DEPDC5: variants seen among roughly 807,000 people sequenced by gnomAD.
The protein encoded by DEPDC5 is GATOR1 complex protein DEPDC5.
Under a neutral mutation model 217.3 loss-of-function variants are expected in DEPDC5, and 73 were observed. That is an observed-to-expected ratio of 0.34 (90% CI 0.28 to 0.41). The LOEUF is 0.41. Ranked by LOEUF, DEPDC5 falls within the 10% of genes least tolerant of loss-of-function variation. The pLI, the probability that DEPDC5 is intolerant of heterozygous loss-of-function variation, is 1.00. For synonymous variants in DEPDC5, 733 were observed against 756.7 expected, an observed-to-expected ratio of 0.97 and a Z score of 0.51; for missense variants, 1,675 against 2,070.1, an observed-to-expected ratio of 0.81 and a Z score of 3.70.
chr22:31,779,481 T>C (rs2084205515), intron 8 of DEPDC5, among the ~76,000 whole-genome samples: 2 of 151,910 alleles, frequency 1.3e-5, no homozygotes, highest in Non-Finnish European at 2.9e-5. Flanking sequence ...TGCAGACAGG[T>C]AGGGAGAATG....
intron 31 of DEPDC5, chr22:31,852,820 A>T (rs1030539093): frequency 6.6e-6 from 1 of 152,214 alleles, no homozygotes; most frequent in Non-Finnish European, 1.5e-5. Context: ...CTTTGGCAGA[A>T]GTGGTTTTTT....
At chr22:31,847,598 A>G (rs561739241) in intron 31 of DEPDC5, among the ~76,000 whole-genome samples, 3 of 152,316 alleles carry the variant, frequency 2.0e-5, no homozygotes, top group African/African-American at 7.2e-5. Context: ...AAACCATCAC[A>G]TCTCGTGAGA....
At position 31,754,914 on chromosome 22, in the gene DEPDC5, A is replaced by C. The variant is rs781087379; in HGVS notation, c.-8A>C. 12 of 1,614,240 alleles carry C rather than the reference A, an allele frequency of 7.4e-6. No individual in the cohort carries two copies. Among genetic ancestry groups the C allele is most frequent in the East Asian group, 6.7e-5 (3 of 44,888 alleles). ...GCTTGGAACAGCTAAAGGGAAAAACAGTGCAAGATGAGAACAACAAAGGTC... is the reference window on the plus strand; with the variant it reads ...GCTTGGAACAGCTAAAGGGAAAAACCGTGCAAGATGAGAACAACAAAGGTC... On this transcript the variant is annotated 5_prime_UTR_variant, in exon 2 of 43. Transcript: ENST00000651528.
At chr22:31,861,503 C>G in intron 33 of DEPDC5, 70 bp downstream of exon 33, 2 of 1,495,132 alleles carry the variant, frequency 1.3e-6, no homozygotes, top group Non-Finnish European at 1.8e-6. Flanking sequence ...TTCTGTTAGG[C>G]TCTGAACACA....
Position 31,833,905 on chromosome 22 carries a change from C to G in DEPDC5, c.2105-10C>G. On this transcript the variant is annotated splice_polypyrimidine_tract_variant and intron_variant, in intron 24 of 42. Coordinates refer to ENST00000651528, the MANE Select transcript of DEPDC5 (RefSeq NM_001242896.3). ...CCTTCTTAAGACAAGCTGTTTTTAT[C>G]TTTCCATAGGTATGAATCCTAGGAC... is the stretch of plus-strand genomic sequence containing the variant. 1 of 1,536,288 alleles carries G rather than the reference C, an allele frequency of 6.5e-7. No homozygotes were observed. Among genetic ancestry groups the G allele is most frequent in the Non-Finnish European group, 8.8e-7 (1 of 1,137,260 alleles).
intron 37 of DEPDC5, among the ~76,000 whole-genome samples, chr22:31,878,909 T>C (rs2093081537): frequency 6.6e-6 from 1 of 150,818 alleles, no homozygotes; most frequent in Admixed American, 6.6e-5. Flanking sequence ...TGGTGGCGCA[T>C]GTTGCTACTC....
At chr22:31,811,965 T>C (rs2088407721) in intron 20 of DEPDC5, among the ~76,000 whole-genome samples, 2 of 152,186 alleles carry the variant, frequency 1.3e-5, no homozygotes, top group African/African-American at 4.8e-5. Flanking sequence ...TTTCTTCAAA[T>C]ACTTTATAGT....
chr22:31,880,456 A>T (rs994016668), intron 38 of DEPDC5, among the ~76,000 whole-genome samples: 7 of 152,220 alleles, frequency 4.6e-5, no homozygotes, highest in African/African-American at 1.7e-4. Context: ...AAGTTGGAGG[A>T]TCCTGAAAGC....
intron 25 of DEPDC5, among the ~76,000 whole-genome samples, chr22:31,834,532 T>G (rs75457482): frequency 5.3e-5 from 8 of 151,922 alleles, no homozygotes; most frequent in African/African-American, 1.9e-4. Context: ...TTTTTTTTTT[T>G]TTGAGACAGT....
chr22:31,816,010 C>CA (rs893098329), intron 21 of DEPDC5: 2 of 985,838 alleles, frequency 2.0e-6, no homozygotes, highest in Admixed American at 6.1e-5. Context: ...TTTAGTTTCT[C>CA]ATTTACCGGT....
At chr22:31,838,553 A>G (rs1297073310) in intron 26 of DEPDC5, 132 bp from the exon 27 acceptor site, 14 of 1,249,596 alleles carry the variant, frequency 1.1e-5, no homozygotes, top group East Asian at 7.1e-5. Flanking sequence ...GCCCAGCTCA[A>G]ACTGTTAGTT....
At chr22:31,848,848 C>T (rs1418505401) in intron 31 of DEPDC5, among the ~76,000 whole-genome samples, 1 of 152,138 alleles carries the variant, frequency 6.6e-6, no homozygotes, top group African/African-American at 2.4e-5. Context: ...AACACTTTGC[C>T]ACTTAGAAAT....
chr22:31,786,424 TAAAA>T lies in DEPDC5; in HGVS notation c.624+1567_624+1570del, dbSNP rs138288. 2.9e-4 allele frequency among the ~76,000 whole-genome samples: 23 copies of T among 80,126 alleles called. No individual in the cohort carries two copies. In the East Asian group the frequency reaches 7.5e-3, roughly 26 times the overall value. The allele number at this position is 80,126 out of a possible 152,430, so 52.6% of individuals were successfully genotyped here. A position where few individuals can be genotyped will look rare whatever the true frequency, so the allele number is the denominator to read the frequency against. On this transcript the variant is annotated intron_variant, in intron 10 of 42. Transcript: ENST00000651528. ...CAAAAAGTTAGCTGGATGTGGTAGC[TAAAA>T]AAAAAAAAAAAAAAAAAGGGAAAAA...
chr22:31,803,694 C>T (rs1046383648), intron 15 of DEPDC5, among the ~76,000 whole-genome samples: 12 of 151,752 alleles, frequency 7.9e-5, no homozygotes, highest in Non-Finnish European at 1.5e-5. Flanking sequence ...TGCAGTGAGC[C>T]GTGATCTCAC....
chr22:31,897,409 C>T, intron 39 of DEPDC5, 73 bp from the exon 40 acceptor site: 1 of 1,527,904 alleles, frequency 6.5e-7, no homozygotes. Context: ...GGCGGGTTTT[C>T]TCCTTGGGAA....
Position 31,879,627 on chromosome 22 carries a change from T to C in DEPDC5, c.3908T>C (p.Leu1303Pro). ...WFEVAFVAEE[L>P]VHSEIPAFLL... ...GAGGTGGCCTTTGTGGCAGAAGAGCTCGTGCACTCTGAGATTCCTGCCTTT... is the reference window on the plus strand; with the variant it reads ...GAGGTGGCCTTTGTGGCAGAAGAGCCCGTGCACTCTGAGATTCCTGCCTTT... Residue 1303 changes from leucine (L) to proline (P), a missense_variant, in exon 38 of 43, where the codon CTC (leucine) becomes CCC (proline). By Grantham distance (98) the Leu-to-Pro change is moderately conservative. Coordinates refer to ENST00000651528, the MANE Select transcript of DEPDC5 (RefSeq NM_001242896.3). The C allele has an allele frequency of 1.2e-6, 2 of 1,614,032 alleles. No individual in the cohort carries two copies. Among genetic ancestry groups the C allele is most frequent in the Non-Finnish European group, 1.7e-6 (2 of 1,180,020 alleles).
chr22:31,877,654 G>T lies in DEPDC5; in HGVS notation c.3805+1389G>T, dbSNP rs555278356. On this transcript the variant is annotated intron_variant, in intron 37 of 42. Transcript: ENST00000651528. ...AATCCCAGCTACTCGGGAGGCTGAG[G>T]CAGGAGAATTGCTTGAACCCGGGAG... 4.1e-5 allele frequency among the ~76,000 whole-genome samples: 6 copies of T among 146,312 alleles called. No homozygotes were observed. The South Asian group carries it at 1.3e-3, about 32-fold the overall frequency.
intron 6 of DEPDC5, among the ~76,000 whole-genome samples, chr22:31,767,255 C>T (rs1157072230): frequency 1.3e-5 from 2 of 152,022 alleles, no homozygotes; most frequent in Admixed American, 1.3e-4. Flanking sequence ...ATTCTCCTGC[C>T]TCAGCCTCCC....
chr22:31,879,067 T>TATACATACAC (rs1476103970), intron 37 of DEPDC5, among the ~76,000 whole-genome samples: 2 of 133,968 alleles, frequency 1.5e-5, no homozygotes, highest in African/African-American at 6.0e-5. Flanking sequence ...TATATATATA[T>TATACATACAC]ACACACACAC....
Sources: gnomAD v4.1 joint callset for allele counts (sites outside exome capture counted in the v4.1 genomes callset) on GRCh38, gnomAD v4.1.1 for gene constraint, MANE v1.5 for transcripts, NCBI Gene and HGNC (gene_info 2026-07-23, HGNC 2026-07-21) for gene names.